SNAPC3: variants seen among roughly 807,000 people sequenced by gnomAD.
SNAPC3 encodes the protein small nuclear RNA activating complex polypeptide 3, also known as snRNA-activating protein complex subunit 3.
A neutral mutation model predicts 47.7 loss-of-function variants in SNAPC3; 56 were observed. The observed-to-expected ratio is 1.18, with a 90% CI of 0.95 to 1.47. The LOEUF (loss-of-function observed/expected upper bound fraction) is 1.47. Ranked by LOEUF, SNAPC3 falls within the 40% of genes most tolerant of loss-of-function variation. The pLI is 0.00. For synonymous variants in SNAPC3, 235 were observed against 189.9 expected (o/e 1.24, Z -1.95); for missense variants, 665 against 511.3 (o/e 1.30, Z -2.90).
rs147773263 is a variant in SNAPC3 at position 15,459,845 on chromosome 9, T to C, written c.1215T>C (p.Val405=). The C allele has an allele frequency of 6.2e-7, 1 of 1,613,214 alleles. No homozygotes were observed. Among genetic ancestry groups the C allele is most frequent in the African/African-American group, 1.3e-5 (1 of 74,896 alleles). ...GGGAATTCCTTGCTTATCCTTATGT[T>C]GATCCTGGAACCTTTAATTAAGAAT... ...KLGEFLAYPY[V]DPGTFN is the part of the protein sequence containing the mutation. Residue 405 remains valine, a synonymous_variant, in exon 9 of 9, where the codon GTT becomes GTC. Coordinates refer to ENST00000380821, the MANE Select transcript of SNAPC3 (RefSeq NM_001039697.2).
At chr9:15,439,805 A>AC (rs2033163069) in intron 3 of SNAPC3, among the ~76,000 whole-genome samples, 4 of 152,222 alleles carry the variant, frequency 2.6e-5, no homozygotes, top group Non-Finnish European at 5.9e-5. Context: ...AAGTGCTGAG[A>AC]TTACAGGTGT....
rs1309433446 is a variant in SNAPC3, at chr9:15,460,234, T to C, written c.*368T>C. 6.4e-6 allele frequency: 1 copy of C among 156,234 alleles called. No homozygotes were observed. The highest frequency in any genetic ancestry group is 1.9e-4 in the East Asian group (1 of 5,368). The allele number at this position is 156,234 out of a possible 1,614,324, so 9.7% of individuals were successfully genotyped here. On this transcript the variant is annotated 3_prime_UTR_variant, in exon 9 of 9. Coordinates refer to ENST00000380821, the MANE Select transcript of SNAPC3 (RefSeq NM_001039697.2). ...TTTTTGCTAAAGATAGAATTATTAA[T>C]GATACATCAAGTAGTGGAAGTGTTT...
chr9:15,458,353 AAAG>A (rs2034958125), intron 8 of SNAPC3, among the ~76,000 whole-genome samples: 2 of 152,236 alleles, frequency 1.3e-5, no homozygotes, highest in African/African-American at 4.8e-5. Flanking sequence ...TAAGCAAAGC[AAAG>A]AATTCTCTGA....
In SNAPC3 at chr9:15,442,628, A is replaced by G. The variant is rs2033568607; in HGVS notation, c.478-1974A>G. 2.0e-5 allele frequency among the ~76,000 whole-genome samples: 3 copies of G among 150,444 alleles called. No individual in the cohort carries two copies. The South Asian group carries it at 6.3e-4, about 32-fold the overall frequency. ...TCAGACAATGGGCGGCCGGGCAGAGACGCTCCTCACTTCCTAGACGAGATG... is the reference window on the plus strand; with the variant it reads ...TCAGACAATGGGCGGCCGGGCAGAGGCGCTCCTCACTTCCTAGACGAGATG... On this transcript the variant is annotated intron_variant, in intron 3 of 8. Coordinates refer to ENST00000380821, the MANE Select transcript of SNAPC3 (RefSeq NM_001039697.2).
At chr9:15,433,525 T>C (rs2032427974) in intron 2 of SNAPC3, 27 bp from the exon 3 acceptor site, 1 of 1,407,520 alleles carries the variant, frequency 7.1e-7, no homozygotes, top group African/African-American at 1.4e-5. Flanking sequence ...AACTTTGATT[T>C]TTTTTTTTCT....
At chr9:15,447,877 A>G (rs1043941175) in intron 5 of SNAPC3, among the ~76,000 whole-genome samples, 2 of 152,208 alleles carry the variant, frequency 1.3e-5, no homozygotes, top group African/African-American at 4.8e-5. Flanking sequence ...TGTTGCTCTC[A>G]AAAGGAAAGA....
chr9:15,458,451 CTAACCA>C (rs926679789), intron 8 of SNAPC3, among the ~76,000 whole-genome samples: 1 of 152,156 alleles, frequency 6.6e-6, no homozygotes, highest in Non-Finnish European at 1.5e-5. Flanking sequence ...TTTGGGAAGT[CTAACCA>C]AAGAAAACCT....
chr9:15,433,652 A>C lies in SNAPC3; in HGVS notation c.477+16A>C. 5.3e-5 allele frequency: 79 copies of C among 1,487,124 alleles called. No homozygotes were observed. The highest frequency in any genetic ancestry group is 6.6e-5 in the Non-Finnish European group (71 of 1,069,448). 92.1% of individuals were successfully genotyped at this position (1,487,124 alleles called of 1,614,324 possible). ...TTATGAGATGGTAATTAAGAGTCTC[A>C]TCTTTTTCACCCTTTTCTCTTAAAA... On this transcript the variant is annotated intron_variant, in intron 3 of 8. Transcript: ENST00000380821.
intron 2 of SNAPC3, among the ~76,000 whole-genome samples, chr9:15,432,892 A>G (rs1046569360): frequency 6.6e-6 from 1 of 152,236 alleles, no homozygotes; most frequent in Non-Finnish European, 1.5e-5. Flanking sequence ...CAAGATTTGC[A>G]TAGTGTCAAA....
In SNAPC3 at chr9:15,427,116, C is replaced by T. The variant is rs1383717324; in HGVS notation, c.392+3130C>T. 2.6e-5 allele frequency among the ~76,000 whole-genome samples: 4 copies of T among 152,124 alleles called. No individual in the cohort carries two copies. In the East Asian group the frequency reaches 7.7e-4, roughly 29 times the overall value. On this transcript the variant is annotated intron_variant, in intron 2 of 8. Transcript: ENST00000380821. ...CTTTCCCACATCAAATGAAAGAGCTCGTTTTATGCATATAAGGGACCAAAG... is the reference window on the plus strand; with the variant it reads ...CTTTCCCACATCAAATGAAAGAGCTTGTTTTATGCATATAAGGGACCAAAG...
At chr9:15,466,694 T>A (rs189439967), downstream of SNAPC3, 26,782 of 1,409,920 alleles carry the variant, frequency 0.019, 317 homozygotes, top group Non-Finnish European at 0.022. Flanking sequence ...AGAACTGTGA[T>A]TAAAAACCTG....
chr9:15,460,101 TTTGAG>T lies in SNAPC3; in HGVS notation c.*244_*248del, dbSNP rs757761528. 1.2e-4 allele frequency: 41 copies of T among 332,514 alleles called. No homozygotes were observed. Among genetic ancestry groups the T allele is most frequent in the South Asian group, 1.9e-4 (2 of 10,402 alleles). The allele number at this position is 332,514 out of a possible 1,614,324, so 20.6% of individuals were successfully genotyped here. Reference sequence around the variant, plus strand: ...ATTTAATTTAGTGCTTTTTACCCATTTTGAGTTGAGTTGTAGTACTTTATATATTC... The same window carrying T: ...ATTTAATTTAGTGCTTTTTACCCATTTTGAGTTGTAGTACTTTATATATTC... On this transcript the variant is annotated 3_prime_UTR_variant, in exon 9 of 9. Transcript: ENST00000380821.
intron 2 of SNAPC3, among the ~76,000 whole-genome samples, chr9:15,430,939 T>A (rs1043852211): frequency 6.6e-6 from 1 of 152,242 alleles, no homozygotes; most frequent in African/African-American, 2.4e-5. Context: ...TTTACCTCTT[T>A]TTCCTGCTCT....
rs200945273 is a variant in SNAPC3 at position 15,453,155 on chromosome 9, A to T, written c.930A>T (p.Leu310Phe). The T allele has an allele frequency of 6.2e-7, 1 of 1,613,292 alleles. No individual in the cohort carries two copies. Among genetic ancestry groups the T allele is most frequent in the Non-Finnish European group, 8.5e-7 (1 of 1,179,386 alleles). ...GTATTAAACTGGGTTTTCCTTACTT[A>T]TACTGTCATCAGGGAGACTGTGAAC... ...DLCIKLGFPY[L>F]YCHQGDCEHV... is the part of the protein sequence containing the mutation. Residue 310 changes from leucine (L) to phenylalanine (F), a missense_variant, in exon 7 of 9, where the codon TTA (leucine) becomes TTT (phenylalanine). Physicochemically the swap from Leu to Phe is conservative, Grantham distance 22. Coordinates refer to ENST00000380821, the MANE Select transcript of SNAPC3 (RefSeq NM_001039697.2).
In SNAPC3 at chr9:15,438,906, C is replaced by T. The variant is rs117393295; in HGVS notation, c.477+5270C>T. Among the ~76,000 whole-genome samples the T allele has an allele frequency of 3.7e-3, 563 of 152,274 alleles. 1 individual carries two copies. The highest frequency in any genetic ancestry group is 6.7e-3 in the Non-Finnish European group (454 of 68,028). ...TCCTGTTTCTTTATTGATCTTCTAT[C>T]TAGTTGTTCTACCCGTTATTGAAAG... is the stretch of plus-strand genomic sequence containing the variant. On this transcript the variant is annotated intron_variant, in intron 3 of 8. Transcript: ENST00000380821.
chr9:15,443,226 C>T lies in SNAPC3; in HGVS notation c.478-1376C>T, dbSNP rs78872192. Among the ~76,000 whole-genome samples the T allele has an allele frequency of 9.6e-3, 1,454 of 152,154 alleles. 11 individuals carry two copies. The highest frequency in any genetic ancestry group is 0.016 in the Non-Finnish European group (1,092 of 67,986). On this transcript the variant is annotated intron_variant, in intron 3 of 8. Coordinates refer to ENST00000380821, the MANE Select transcript of SNAPC3 (RefSeq NM_001039697.2). Reference sequence around the variant, plus strand: ...GGAGAGAGGGAGAGGGAGCTAACGTCTTTGTTTAGTGGACTTTTATTTATG... The same window carrying T: ...GGAGAGAGGGAGAGGGAGCTAACGTTTTTGTTTAGTGGACTTTTATTTATG...
chr9:15,459,005 A>G (rs2035003198), intron 8 of SNAPC3, among the ~76,000 whole-genome samples: 1 of 152,214 alleles, frequency 6.6e-6, no homozygotes, highest in Non-Finnish European at 1.5e-5. Flanking sequence ...GATCCCAAGC[A>G]TTTCAGATAA....
At chr9:15,428,942 CAT>C (rs1023454468) in intron 2 of SNAPC3, among the ~76,000 whole-genome samples, 2 of 151,764 alleles carry the variant, frequency 1.3e-5, no homozygotes, top group African/African-American at 2.4e-5. Flanking sequence ...TGTTTAAAAA[CAT>C]AATCCAGCAA....
intron 3 of SNAPC3, among the ~76,000 whole-genome samples, chr9:15,434,547 A>G (rs2032560563): frequency 6.6e-6 from 1 of 151,568 alleles, no homozygotes; most frequent in Admixed American, 6.6e-5. Context: ...AGCTGGGATT[A>G]TAGGTGCCTG....
Sources: gnomAD v4.1 joint callset for allele counts (sites outside exome capture counted in the v4.1 genomes callset) on GRCh38, gnomAD v4.1.1 for gene constraint, MANE v1.5 for transcripts, NCBI Gene and HGNC (gene_info 2026-07-23, HGNC 2026-07-21) for gene names.